Variants in INPP4B observed in about 807,000 individuals in gnomAD.
INPP4B encodes the protein inositol polyphosphate 4-phosphatase type II.
A neutral mutation model predicts 122.5 loss-of-function variants in INPP4B; 55 were observed. The ratio of observed to expected loss-of-function variants is 0.45; its 90% CI spans 0.36 to 0.56. INPP4B has a LOEUF of 0.56. Among genes scored for constraint, INPP4B ranks in the 20% least tolerant of loss-of-function variants. The pLI, the probability that INPP4B is intolerant of heterozygous loss-of-function variation, is 0.00. For missense variants in INPP4B, 1,000 were observed against 1,097.7 expected (o/e 0.91, Z 1.26); for synonymous variants, 403 against 388.7 (o/e 1.04, Z -0.43).
intron 2 of INPP4B, among the ~76,000 whole-genome samples, chr4:142,661,613 G>A (rs928546837): frequency 3.3e-5 from 5 of 152,126 alleles, no homozygotes; most frequent in Non-Finnish European, 5.9e-5. Context: ...TTTTTTCAGA[G>A]TTTAAATAAA....
At chr4:142,726,189 C>T (rs543137620) in intron 1 of INPP4B, among the ~76,000 whole-genome samples, 2 of 152,190 alleles carry the variant, frequency 1.3e-5, no homozygotes, top group South Asian at 2.1e-4. Flanking sequence ...AACTGGCACT[C>T]GAGCAAGAAA....
At chr4:142,748,391 C>T (rs1008359604) in intron 1 of INPP4B, among the ~76,000 whole-genome samples, 1 of 151,656 alleles carries the variant, frequency 6.6e-6, no homozygotes, top group Non-Finnish European at 1.5e-5. Flanking sequence ...AAAATCAGAA[C>T]AGAAGCCAAA....
intron 1 of INPP4B, among the ~76,000 whole-genome samples, chr4:142,824,759 C>T (rs1257303541): frequency 6.6e-6 from 1 of 151,244 alleles, no homozygotes; most frequent in Non-Finnish European, 1.5e-5. Context: ...TGTTATTCTA[C>T]TTTATAGAAA....
chr4:142,092,854 G>A (rs1780188172), intron 23 of INPP4B, among the ~76,000 whole-genome samples: 2 of 152,080 alleles, frequency 1.3e-5, no homozygotes, highest in Admixed American at 1.3e-4. Flanking sequence ...ATTTCTGGAG[G>A]GCAGCAAATC....
intron 2 of INPP4B, among the ~76,000 whole-genome samples, chr4:142,478,007 C>T (rs554205867): frequency 7.2e-5 from 11 of 152,234 alleles, no homozygotes; most frequent in African/African-American, 1.9e-4. Context: ...TTTGCCATGT[C>T]GCCCCGGCTG....
intron 2 of INPP4B, among the ~76,000 whole-genome samples, chr4:142,521,331 C>T (rs1036014407): frequency 6.6e-6 from 1 of 151,884 alleles, no homozygotes; most frequent in Admixed American, 6.6e-5. Context: ...CTTGGCAATT[C>T]ATATTTCCAT....
intron 7 of INPP4B, among the ~76,000 whole-genome samples, chr4:142,344,819 A>C (rs1369914999): frequency 6.6e-6 from 1 of 152,006 alleles, no homozygotes; most frequent in Non-Finnish European, 1.5e-5. Context: ...TCATGACACA[A>C]GTTTACCTAT....
At chr4:142,327,501 G>A (rs1004192392) in intron 7 of INPP4B, among the ~76,000 whole-genome samples, 10 of 151,360 alleles carry the variant, frequency 6.6e-5, no homozygotes, top group Non-Finnish European at 1.3e-4. Context: ...GCTCTCCAAC[G>A]AAGAGTCCTG....
intron 2 of INPP4B, among the ~76,000 whole-genome samples, chr4:142,474,720 T>C (rs915692219): frequency 6.6e-6 from 1 of 152,132 alleles, no homozygotes; most frequent in Non-Finnish European, 1.5e-5. Context: ...CCCACTTCTA[T>C]GTGAACTCAG....
At position 142,376,714 on chromosome 4, in the gene INPP4B, C is replaced by A. The variant is rs116580847; in HGVS notation, c.372+26224G>T. Among the ~76,000 whole-genome samples, 737 of 152,030 alleles carry A rather than the reference C, an allele frequency of 4.8e-3. 8 individuals carry two copies. Among genetic ancestry groups the A allele is most frequent in the African/African-American group, 0.017 (699 of 41,510 alleles). ...TCAAATTATTAATGGAGTTATGTAC[C>A]TTAATACTGTTCCTGAGAAACTTCC... On this transcript the variant is annotated intron_variant, in intron 7 of 25. Coordinates refer to ENST00000262992, the MANE Select transcript of INPP4B (RefSeq NM_001101669.3).
chr4:142,761,526 T>C (rs971662038), intron 1 of INPP4B, among the ~76,000 whole-genome samples: 1 of 152,212 alleles, frequency 6.6e-6, no homozygotes, highest in African/African-American at 2.4e-5. Context: ...ATATTTTTTC[T>C]ACTAAATTTG....
chr4:142,175,003 C>T (rs1158841313), intron 15 of INPP4B, among the ~76,000 whole-genome samples: 2 of 151,996 alleles, frequency 1.3e-5, no homozygotes, highest in Non-Finnish European at 2.9e-5. Context: ...ATCTTTGATC[C>T]ATTTCATCAG....
intron 2 of INPP4B, among the ~76,000 whole-genome samples, chr4:142,621,849 G>A (rs896305280): frequency 6.6e-5 from 10 of 151,532 alleles, no homozygotes; most frequent in South Asian, 6.2e-4. Context: ...GTGTTTGCAC[G>A]TTGCACATGA....
intron 2 of INPP4B, among the ~76,000 whole-genome samples, chr4:142,676,033 A>G (rs549892475): frequency 2.3e-3 from 350 of 152,288 alleles, no homozygotes; most frequent in African/African-American, 7.8e-3. Context: ...ATGGTATTCA[A>G]ATAGAAAGAG....
In INPP4B at chr4:142,537,429, T is replaced by TATATAG. The variant is rs1200701380; in HGVS notation, c.-190-74704_-190-74703insCTATAT. On this transcript the variant is annotated intron_variant, in intron 2 of 25. Transcript: ENST00000262992. ...ATATATATATATATATATATATATA[T>TATATAG]AGAGAGAGAGAGAGAGAGAGAGAGA... Among the ~76,000 whole-genome samples the TATATAG allele has an allele frequency of 1.4e-3, 36 of 25,486 alleles. 2 individuals are homozygous for TATATAG. The highest frequency in any genetic ancestry group is 2.0e-3 in the South Asian group (1 of 496). 16.7% of individuals were successfully genotyped at this position (25,486 alleles called of 152,430 possible).
At chr4:142,626,696 G>A (rs1252252877) in intron 2 of INPP4B, among the ~76,000 whole-genome samples, 1 of 151,940 alleles carries the variant, frequency 6.6e-6, no homozygotes, top group African/African-American at 2.4e-5. Flanking sequence ...ATTGTTTTAA[G>A]CTACTGAGTT....
intron 2 of INPP4B, among the ~76,000 whole-genome samples, chr4:142,629,442 A>C (rs1014793938): frequency 2.6e-5 from 4 of 152,090 alleles, no homozygotes; most frequent in Non-Finnish European, 5.9e-5. Flanking sequence ...ATTCTGATTT[A>C]GGAAGGAGAG....
intron 23 of INPP4B, among the ~76,000 whole-genome samples, chr4:142,093,208 A>G (rs901371482): frequency 3.3e-5 from 5 of 152,102 alleles, no homozygotes; most frequent in Non-Finnish European, 7.3e-5. Flanking sequence ...CCAGCCTTTG[A>G]GTGAGGTTAT....
At chr4:142,311,999 C>T (rs375149174) in intron 8 of INPP4B, among the ~76,000 whole-genome samples, 6 of 152,280 alleles carry the variant, frequency 3.9e-5, no homozygotes, top group African/African-American at 1.4e-4. Flanking sequence ...ATGAGAAAAA[C>T]AAACCCATTC....
Sources: allele counts gnomAD v4.1 joint callset (sites outside exome capture counted in the v4.1 genomes callset), GRCh38; gene constraint gnomAD v4.1.1; transcripts MANE v1.5; gene names NCBI Gene and HGNC (gene_info 2026-07-23, HGNC 2026-07-21).